PWWP3A: variants seen among roughly 807,000 people sequenced by gnomAD.
PWWP3A encodes PWWP domain containing 3A, DNA repair factor.
A neutral mutation model predicts 79.0 loss-of-function variants in PWWP3A; 53 were observed. The ratio of observed to expected loss-of-function variants is 0.67; its 90% confidence interval spans 0.54 to 0.84. The LOEUF (loss-of-function observed/expected upper bound fraction) is 0.84. PWWP3A is among the 40% of genes least tolerant of loss of function. The probability of loss-of-function intolerance (pLI) is 0.00; values close to 1 mark genes in which losing one functional copy is unlikely to be tolerated. For synonymous variants in PWWP3A, 443 were observed against 394.4 expected (o/e 1.12, Z -1.46); for missense variants, 973 against 948.0 (o/e 1.03, Z -0.35).
At chr19:1,367,362 T>C in intron 9 of PWWP3A, 142 bp downstream of exon 9, 1 of 705,362 alleles carries the variant, frequency 1.4e-6, no homozygotes, top group Admixed American at 2.9e-5. Context: ...CAGGCTGCGC[T>C]CTGGCCGTTA....
At chr19:1,358,576 T>C in intron 4 of PWWP3A, 112 bp downstream of exon 4, 2 of 1,599,792 alleles carry the variant, frequency 1.3e-6, no homozygotes, top group Non-Finnish European at 1.7e-6. Flanking sequence ...ACCATGTTTT[T>C]CTTCATACAA....
chr19:1,369,191 C>G lies in PWWP3A; in HGVS notation c.1423-74C>G. ...CCTGGACACCTGGCTGGTCCCTGGG[C>G]TCTGCGTGGCTTCTGAACCCAGGGT... On this transcript the variant is annotated intron_variant, in intron 9 of 13. Coordinates refer to ENST00000591337, the MANE Select transcript of PWWP3A (RefSeq NM_001369789.1). The surrounding 1 kb of genome is among the most constrained non-coding windows in gnomAD (Gnocchi z 4.0). 7.1e-7 allele frequency: 1 copy of G among 1,401,750 alleles called. No homozygotes were observed. Among genetic ancestry groups the G allele is most frequent in the Non-Finnish European group, 1.0e-6 (1 of 995,006 alleles). The allele number at this position is 1,401,750 out of a possible 1,614,324, so 86.8% of individuals were successfully genotyped here. A position where few individuals can be genotyped will look rare whatever the true frequency, so the allele number is the denominator to read the frequency against.
At chr19:1,366,744 C>G (rs2082137424) in intron 8 of PWWP3A, among the ~76,000 whole-genome samples, 1 of 152,256 alleles carries the variant, frequency 6.6e-6, no homozygotes. Context: ...CCTGAGTTTG[C>G]CCCTGGGTTA....
chr19:1,357,240 C>T (rs2081893773), intron 3 of PWWP3A, 146 bp downstream of exon 3: 1 of 605,032 alleles, frequency 1.7e-6, no homozygotes, highest in Non-Finnish European at 2.9e-6. Context: ...CTCATAATAA[C>T]CTCATGAGAA....
At chr19:1,359,898 G>A in intron 4 of PWWP3A, 1 of 417,662 alleles carries the variant, frequency 2.4e-6, no homozygotes, top group Non-Finnish European at 4.2e-6. Flanking sequence ...TCAGGTTAAG[G>A]TCAATAAATT....
Position 1,373,057 on chromosome 19 carries a change from C to G in PWWP3A, c.1987-15C>G, listed in dbSNP as rs376512294. 1.9e-6 allele frequency: 3 copies of G among 1,613,230 alleles called. No individual in the cohort carries two copies. The Admixed American group carries it at 5.0e-5, about 27-fold the overall frequency. ...GGCAGTGCCTGCTGCTATTGAGCCC[C>G]GTGCCCTCTCACAGGCCATCATCTG... On this transcript the variant is annotated splice_polypyrimidine_tract_variant and intron_variant, in intron 12 of 13. Transcript: ENST00000591337.
chr19:1,361,103 C>A, intron 5 of PWWP3A, 71 bp downstream of exon 5: 1 of 1,335,784 alleles, frequency 7.5e-7, no homozygotes, highest in Non-Finnish European at 9.6e-7. Flanking sequence ...GACTGGGAGC[C>A]AGGCACGTGG....
rs1280023069 is a variant in PWWP3A, at chr19:1,376,662, G to C, written c.*86G>C. On this transcript the variant is annotated 3_prime_UTR_variant, in exon 14 of 14. Transcript: ENST00000591337. ...AGCGTGTCTGAAGATGGGGGGCTCAGGGGGCACGTTTGCGTTTGGACCTGT... is the reference window on the plus strand; with the variant it reads ...AGCGTGTCTGAAGATGGGGGGCTCACGGGGCACGTTTGCGTTTGGACCTGT... The C allele has an allele frequency of 2.1e-5, 29 of 1,374,494 alleles. No homozygotes were observed. The highest frequency in any genetic ancestry group is 2.9e-5 in the Non-Finnish European group (28 of 975,836). The allele number at this position is 1,374,494 out of a possible 1,614,324, so 85.1% of individuals were successfully genotyped here.
intron 1 of PWWP3A, among the ~76,000 whole-genome samples, chr19:1,355,502 C>A (rs1315587004): frequency 1.8e-5 from 2 of 110,528 alleles, no homozygotes; most frequent in Non-Finnish European, 3.6e-5. Context: ...ACCGTGAAAT[C>A]CCCCATCCCT....
intron 9 of PWWP3A, 71 bp downstream of exon 9, chr19:1,367,291 T>C (rs983265163): frequency 4.5e-6 from 6 of 1,324,336 alleles, no homozygotes; most frequent in Non-Finnish European, 6.5e-6. Context: ...CCTCTGTGTG[T>C]AGCTCTTGAA....
rs1035429292 is a variant in PWWP3A, at chr19:1,368,638, G to A, written c.1423-627G>A. Among the ~76,000 whole-genome samples, 1 of 152,202 alleles carries A rather than the reference G, an allele frequency of 6.6e-6. No homozygotes were observed. The highest frequency in any genetic ancestry group is 1.5e-5 in the Non-Finnish European group (1 of 68,040). On this transcript the variant is annotated intron_variant, in intron 9 of 13. Transcript: ENST00000591337. The surrounding 1 kb of genome is among the most constrained non-coding windows in gnomAD (Gnocchi z 4.7). ...GCTTTATGGCATCTTTGGGACGGCT[G>A]TGTCCTTTTCTGGGGACCCACCCTG...
In PWWP3A at chr19:1,370,990, A is replaced by T; in HGVS notation, c.1898A>T (p.Gln633Leu). The T allele has an allele frequency of 6.4e-7, 1 of 1,567,618 alleles. No individual in the cohort carries two copies. The highest frequency in any genetic ancestry group is 8.7e-7 in the Non-Finnish European group (1 of 1,155,884). ...CTGGACCTGGTGGTGAAGTACCTGC[A>T]GGGCGTCTACCAGGAGGTGGGGGCC... ...GQLDLVVKYL[Q>L]GVYQEVGAKV... The change falls in exon 12 of 14, where the codon CAG becomes CTG. Residue 633 changes from glutamine to leucine, a missense_variant. Gln to Leu is a moderately radical substitution (Grantham distance 113, BLOSUM62 -2). Transcript: ENST00000591337.
intron 8 of PWWP3A, among the ~76,000 whole-genome samples, chr19:1,366,708 G>A (rs1019851081): frequency 6.6e-6 from 1 of 152,240 alleles, no homozygotes; most frequent in African/African-American, 2.4e-5. Flanking sequence ...GTCCACGCAG[G>A]TGTGCAGACA....
In PWWP3A at chr19:1,369,779, A is replaced by C; in HGVS notation, c.1549+133A>C. On this transcript the variant is annotated intron_variant, in intron 11 of 13. Coordinates refer to ENST00000591337, the MANE Select transcript of PWWP3A (RefSeq NM_001369789.1). The surrounding 1 kb of genome is among the most constrained non-coding windows in gnomAD (Gnocchi z 4.0). Reference sequence around the variant, plus strand: ...GTCCGCAGCCACACAGCATTGTTCAACCTCTATGAGGTTTTGATGTGACCC... The same window carrying C: ...GTCCGCAGCCACACAGCATTGTTCACCCTCTATGAGGTTTTGATGTGACCC... The C allele has an allele frequency of 9.6e-7, 1 of 1,045,806 alleles. No individual in the cohort carries two copies. Among genetic ancestry groups the C allele is most frequent in the Non-Finnish European group, 1.5e-6 (1 of 672,570 alleles). The allele number at this position is 1,045,806 out of a possible 1,614,324, so 64.8% of individuals were successfully genotyped here. A position where few individuals can be genotyped will look rare whatever the true frequency, so the allele number is the denominator to read the frequency against.
In PWWP3A at chr19:1,369,534, AACACACTTCCTGGG is replaced by A; in HGVS notation, c.1499-59_1499-46del. 6.3e-7 allele frequency: 1 copy of A among 1,595,054 alleles called. No individual in the cohort carries two copies. Among genetic ancestry groups the A allele is most frequent in the Non-Finnish European group, 8.6e-7 (1 of 1,163,048 alleles). ...ACAGAGACGCCGGGCCAGCCCCTGGAACACACTTCCTGGGACTCCTCTTAGGTCTACACAGTGCT... is the reference window on the plus strand; with the variant it reads ...ACAGAGACGCCGGGCCAGCCCCTGGAACTCCTCTTAGGTCTACACAGTGCT... On this transcript the variant is annotated intron_variant, in intron 10 of 13. Transcript: ENST00000591337. The surrounding 1 kb of genome is among the most constrained non-coding windows in gnomAD (Gnocchi z 4.0).
intron 6 of PWWP3A, among the ~76,000 whole-genome samples, chr19:1,363,069 G>A (rs575428120): frequency 6.6e-6 from 1 of 152,336 alleles, no homozygotes; most frequent in East Asian, 1.9e-4. Flanking sequence ...AGTAAAGGGA[G>A]GTGAGGGGGC....
At chr19:1,355,859 C>T (rs780200308) in intron 1 of PWWP3A, among the ~76,000 whole-genome samples, 20 of 151,284 alleles carry the variant, frequency 1.3e-4, no homozygotes, top group Non-Finnish European at 1.8e-4. Context: ...ATGCTGTGAA[C>T]GGTCTGCAGC....
chr19:1,356,679 G>A (rs971846199), intron 2 of PWWP3A, among the ~76,000 whole-genome samples: 1 of 149,806 alleles, frequency 6.7e-6, no homozygotes, highest in Non-Finnish European at 1.5e-5. Context: ...AGAATCAGCT[G>A]TAAAAAGGCA....
At chr19:1,370,405 C>G (rs1297570483) in intron 11 of PWWP3A, among the ~76,000 whole-genome samples, 1 of 152,182 alleles carries the variant, frequency 6.6e-6, no homozygotes, top group Non-Finnish European at 1.5e-5. Flanking sequence ...AGGCGCTTTT[C>G]TCTGCTATAA....
Sources: allele counts gnomAD v4.1 joint callset (sites outside exome capture counted in the v4.1 genomes callset), GRCh38; gene constraint gnomAD v4.1.1; non-coding constraint Gnocchi (gnomAD v3.1); transcripts MANE v1.5; gene names NCBI Gene and HGNC (gene_info 2026-07-23, HGNC 2026-07-21).